The following SAR1A variants were observed in gnomAD, a reference collection of about 807,000 sequenced individuals.
SAR1A encodes small COPII coat GTPase SAR1A.
Under a neutral mutation model 22.6 loss-of-function variants are expected in SAR1A, and 6 were observed. The observed-to-expected ratio is 0.27, with a 90% confidence interval of 0.15 to 0.52. SAR1A has a LOEUF of 0.52. SAR1A is among the 20% of genes least tolerant of loss of function. The pLI, the probability that SAR1A is intolerant of heterozygous loss-of-function variation, is 0.96. For synonymous variants in SAR1A, 70 were observed against 82.2 expected, an observed-to-expected ratio of 0.85 and a Z score of 0.80; for missense variants, 145 against 245.1, an observed-to-expected ratio of 0.59 and a Z score of 2.73.
rs1839330228 is a variant in SAR1A, at chr10:70,151,837, C to G, written c.*639G>C. ...TTACCACAGTGGAAACCTGCCACAA[C>G]TGCAAGGCCGGGGTTCTGCCCCTTT... On this transcript the variant is annotated 3_prime_UTR_variant, in exon 7 of 7. Coordinates refer to ENST00000373241, the MANE Select transcript of SAR1A (RefSeq NM_020150.5). The G allele has an allele frequency of 6.5e-6, 1 of 153,322 alleles. No individual in the cohort carries two copies. The highest frequency in any genetic ancestry group is 1.5e-5 in the Non-Finnish European group (1 of 68,820). The allele number at this position is 153,322 out of a possible 1,614,324, so 9.5% of individuals were successfully genotyped here. A position where few individuals can be genotyped will look rare whatever the true frequency, so the allele number is the denominator to read the frequency against.
chr10:70,166,098 T>C (rs1329570510), intron 1 of SAR1A, among the ~76,000 whole-genome samples: 1 of 152,248 alleles, frequency 6.6e-6, no homozygotes, highest in Non-Finnish European at 1.5e-5. Context: ...TTCTAAGACG[T>C]AATGCTACTG....
rs1463033638 is a variant in SAR1A at position 70,161,088 on chromosome 10, A to T, written c.179-19T>A. ...TCTGATGCTGAAAAATTGTTTAAAAAGAAGAAAAAAACTTGTCAACTCAAC... is the reference window on the plus strand; with the variant it reads ...TCTGATGCTGAAAAATTGTTTAAAATGAAGAAAAAAACTTGTCAACTCAAC... On this transcript the variant is annotated intron_variant, in intron 3 of 6. Coordinates refer to ENST00000373241, the MANE Select transcript of SAR1A (RefSeq NM_020150.5). 1 of 1,602,546 alleles carries T rather than the reference A, an allele frequency of 6.2e-7. No homozygotes were observed. Among genetic ancestry groups the T allele is most frequent in the Non-Finnish European group, 8.5e-7 (1 of 1,172,178 alleles).
Position 70,160,082 on chromosome 10 carries a change from C to G in SAR1A, c.244+922G>C, listed in dbSNP as rs539984870. 5.9e-5 allele frequency among the ~76,000 whole-genome samples: 9 copies of G among 152,054 alleles called. No individual in the cohort carries two copies. In the South Asian group the frequency reaches 1.9e-3, roughly 32 times the overall value. On this transcript the variant is annotated intron_variant, in intron 4 of 6. Transcript: ENST00000373241. ...TTACTTATAAATATTTAATTTCCTA[C>G]ATACTTTCACTCCATTGAATAAAGG...
chr10:70,155,365 G>A (rs1589874151), intron 5 of SAR1A, among the ~76,000 whole-genome samples: 1 of 152,124 alleles, frequency 6.6e-6, no homozygotes, highest in African/African-American at 2.4e-5. Context: ...TTTCAAGCCT[G>A]GGAATCTAGT....
Position 70,152,479 on chromosome 10 carries a change from G to C in SAR1A, c.594C>G (p.Asp198Glu). ...TTTTATTTTCACCGTCCAAACATCAGTCAATATACTGGGAGAGCCAGCGGA... is the reference window on the plus strand; with the variant it reads ...TTTTATTTTCACCGTCCAAACATCACTCAATATACTGGGAGAGCCAGCGGA... ...EGFRWLSQYI[D>E] Residue 198 changes from aspartate (D) to glutamate (E), a missense_variant, in exon 7 of 7, where the codon GAC (aspartate) becomes GAG (glutamate). Around this residue, in one of 3 missense-constraint regions of SAR1A, gnomAD observed 83 missense variants for 114.7 expected, o/e 0.72. Coordinates refer to ENST00000373241, the MANE Select transcript of SAR1A (RefSeq NM_020150.5). 6.2e-7 allele frequency: 1 copy of C among 1,605,970 alleles called. No homozygotes were observed. Among genetic ancestry groups the C allele is most frequent in the Non-Finnish European group, 8.5e-7 (1 of 1,172,496 alleles).
At chr10:70,156,010 G>A (rs1296304934) in intron 5 of SAR1A, among the ~76,000 whole-genome samples, 3 of 152,190 alleles carry the variant, frequency 2.0e-5, no homozygotes, top group Admixed American at 2.0e-4. Flanking sequence ...GCATATCAGG[G>A]TCATGGTAGG....
At chr10:70,155,950 A>G (rs1215036838) in intron 5 of SAR1A, among the ~76,000 whole-genome samples, 1 of 152,226 alleles carries the variant, frequency 6.6e-6, no homozygotes, top group Non-Finnish European at 1.5e-5. Flanking sequence ...CTATCAAAGG[A>G]TATTAAGTAG....
intron 1 of SAR1A, among the ~76,000 whole-genome samples, chr10:70,168,517 G>A (rs968511755): frequency 5.3e-5 from 8 of 152,066 alleles, no homozygotes; most frequent in African/African-American, 1.9e-4. Flanking sequence ...ACTTGAACCC[G>A]GGAGGCAGAG....
At chr10:70,157,971 G>C (rs1281033301) in intron 4 of SAR1A, 104 bp from the exon 5 acceptor site, 1 of 726,378 alleles carries the variant, frequency 1.4e-6, no homozygotes, top group Non-Finnish European at 2.3e-6. Context: ...GTTTCAGTAA[G>C]ATTAGACTCT....
intron 4 of SAR1A, 72 bp from the exon 5 acceptor site, chr10:70,157,939 A>G (rs758968414): frequency 1.1e-5 from 11 of 1,008,510 alleles, no homozygotes; most frequent in Non-Finnish European, 1.4e-5. Flanking sequence ...AATGGTCTAT[A>G]AAATGGACAA....
At chr10:70,164,018 C>G in intron 1 of SAR1A, 2 of 903,106 alleles carry the variant, frequency 2.2e-6, no homozygotes, top group South Asian at 2.6e-5. Context: ...TGATGACAAA[C>G]CTTGGAGTGA....
At chr10:70,169,409 T>C (rs1839595551) in intron 1 of SAR1A, among the ~76,000 whole-genome samples, 1 of 152,238 alleles carries the variant, frequency 6.6e-6, no homozygotes, top group Non-Finnish European at 1.5e-5. Context: ...TCTTGGTCCA[T>C]TGTACCACCT....
intron 5 of SAR1A, among the ~76,000 whole-genome samples, chr10:70,155,304 A>G (rs1839373349): frequency 1.3e-5 from 2 of 152,234 alleles, no homozygotes; most frequent in Admixed American, 1.3e-4. Flanking sequence ...CAATGTCTAA[A>G]TGATTAAAAA....
intron 6 of SAR1A, among the ~76,000 whole-genome samples, chr10:70,152,812 A>G (rs10999161): frequency 0.09 from 13,631 of 152,248 alleles, 1,150 homozygotes; most frequent in East Asian, 0.22. Flanking sequence ...CTCTCTCTGA[A>G]GAGCATTTGC....
At chr10:70,158,757 C>CAAGAAA (rs1839428116) in intron 4 of SAR1A, among the ~76,000 whole-genome samples, 1 of 125,810 alleles carries the variant, frequency 7.9e-6, no homozygotes, top group Non-Finnish European at 1.7e-5. Flanking sequence ...TTAAGTTATA[C>CAAGAAA]AAAAAAAAAA....
Position 70,152,440 on chromosome 10 carries a change from G to A in SAR1A, c.*36C>T. ...GGAAGCTGTGAATAGGATCAGTCCA[G>A]AGAAGTAAAACTCTTTTATTTTCAC... On this transcript the variant is annotated 3_prime_UTR_variant, in exon 7 of 7. Coordinates refer to ENST00000373241, the MANE Select transcript of SAR1A (RefSeq NM_020150.5). The A allele has an allele frequency of 1.4e-6, 2 of 1,455,888 alleles. No homozygotes were observed. The highest frequency in any genetic ancestry group is 1.1e-5 in the South Asian group (1 of 87,850). 90.2% of individuals were successfully genotyped at this position (1,455,888 alleles called of 1,614,324 possible). A position where few individuals can be genotyped will look rare whatever the true frequency, so the allele number is the denominator to read the frequency against.
intron 1 of SAR1A, among the ~76,000 whole-genome samples, chr10:70,165,625 T>C (rs1839538367): frequency 6.6e-6 from 1 of 152,202 alleles, no homozygotes; most frequent in East Asian, 1.9e-4. Context: ...ATGCTTCTTA[T>C]GGATAAGCAA....
rs1564570626 is a variant in SAR1A, at chr10:70,161,288, T to A, written c.179-219A>T. ...GAGACCAGCCCAGGCAACGCCCCAC[T>A]CCCAACAAAGAAAAGGAATACAAGG... On this transcript the variant is annotated intron_variant, in intron 3 of 6. Transcript: ENST00000373241. 5.5e-6 allele frequency: 3 copies of A among 548,752 alleles called. No individual in the cohort carries two copies. The East Asian group carries it at 9.0e-5, about 17-fold the overall frequency. 34.0% of individuals were successfully genotyped at this position (548,752 alleles called of 1,614,324 possible). A position where few individuals can be genotyped will look rare whatever the true frequency, so the allele number is the denominator to read the frequency against.
rs1839275083 is a variant in SAR1A at position 70,147,828 on chromosome 10, T to C, written c.*4648A>G. 1 of 152,260 alleles carries C rather than the reference T, an allele frequency of 6.6e-6. No homozygotes were observed. The highest frequency in any genetic ancestry group is 6.5e-5 in the Admixed American group (1 of 15,290). 9.4% of individuals were successfully genotyped at this position (152,260 alleles called of 1,614,324 possible). A position where few individuals can be genotyped will look rare whatever the true frequency, so the allele number is the denominator to read the frequency against. On this transcript the variant is annotated 3_prime_UTR_variant, in exon 7 of 7. Transcript: ENST00000373241. ...ATCAGTCACCACAAGCTAGACAGTT[T>C]ACAAAGGTCTGCTTTATCACTGAAT...
Sources: allele counts gnomAD v4.1 joint callset (sites outside exome capture counted in the v4.1 genomes callset), GRCh38; gene constraint gnomAD v4.1.1; regional missense constraint gnomAD v4.1.1; transcripts MANE v1.5; gene names NCBI Gene and HGNC (gene_info 2026-07-23, HGNC 2026-07-21).